PARP8: variants seen among roughly 807,000 people sequenced by gnomAD.
PARP8 encodes the protein protein mono-ADP-ribosyltransferase PARP8.
Under a neutral mutation model 124.1 loss-of-function variants are expected in PARP8, and 51 were observed. That is an observed-to-expected ratio of 0.41 (90% CI 0.33 to 0.52). PARP8 has a LOEUF of 0.52. PARP8 is among the 20% of genes least tolerant of loss of function. The pLI is 0.21. For missense variants in PARP8, 860 were observed against 1,018.9 expected, an observed-to-expected ratio of 0.84 and a Z score of 2.12; for synonymous variants, 391 against 361.5, an observed-to-expected ratio of 1.08 and a Z score of -0.93.
intron 23 of PARP8, 99 bp from the exon 24 acceptor site, chr5:50,833,878 ACC>A: frequency 1.3e-6 from 1 of 778,804 alleles, no homozygotes; most frequent in Non-Finnish European, 2.1e-6. Context: ...TTTTTTTTTG[ACC>A]TGGAGCCATC....
intron 10 of PARP8, among the ~76,000 whole-genome samples, chr5:50,791,186 ACAG>A (rs1444832868): frequency 6.6e-6 from 1 of 152,176 alleles, no homozygotes; most frequent in Non-Finnish European, 1.5e-5. Flanking sequence ...GTGATTTCAG[ACAG>A]CAGAATAATT....
At chr5:50,744,702 A>C (rs1758367491) in intron 2 of PARP8, 1 of 693,394 alleles carries the variant, frequency 1.4e-6, no homozygotes, top group Non-Finnish European at 2.6e-6. Flanking sequence ...AGCATATCCC[A>C]AAATTCTGAA....
intron 7 of PARP8, among the ~76,000 whole-genome samples, chr5:50,768,489 C>G (rs115499700): frequency 6.6e-6 from 1 of 152,132 alleles, no homozygotes; most frequent in Non-Finnish European, 1.5e-5. Flanking sequence ...GCATTCTTTT[C>G]AGACCAGAAT....
intron 2 of PARP8, among the ~76,000 whole-genome samples, chr5:50,679,430 T>G (rs1352403175): frequency 1.3e-5 from 2 of 152,218 alleles, no homozygotes; most frequent in East Asian, 3.8e-4. Flanking sequence ...TTGTTTAGCC[T>G]TGTATTTCCC....
chr5:50,827,950 A>C lies in PARP8; in HGVS notation c.1984A>C (p.Lys662Gln), dbSNP rs1312525330. 1 of 1,606,150 alleles carries C rather than the reference A, an allele frequency of 6.2e-7. No homozygotes were observed. The highest frequency in any genetic ancestry group is 1.7e-5 in the Admixed American group (1 of 59,874). ...IVKLPVNRQL[K>Q]FMHTPHQFLL... ...TCTTTATCTTAAATGGCAGCAATTG[A>C]AGTTTATGCATACTCCACATCAGTT... Residue 662 changes from lysine to glutamine, a missense_variant, in exon 20 of 26, where the codon AAG becomes CAG. Around this residue, in one of 2 missense-constraint regions of PARP8, gnomAD observed 343 missense variants for 474.7 expected, o/e 0.72. Transcript: ENST00000281631.
intron 3 of PARP8, among the ~76,000 whole-genome samples, chr5:50,755,461 T>A (rs1365399058): frequency 6.6e-6 from 1 of 152,202 alleles, no homozygotes; most frequent in East Asian, 1.9e-4. Flanking sequence ...TTCTCACTTT[T>A]GTCAGGTTTG....
In PARP8 at chr5:50,802,017, T is replaced by C. The variant is rs568471905; in HGVS notation, c.1575+4784T>C. On this transcript the variant is annotated intron_variant, in intron 14 of 25. Coordinates refer to ENST00000281631, the MANE Select transcript of PARP8 (RefSeq NM_024615.4). ...AATGTCTTTAAAACTAAAGTGAATC[T>C]CTTGTTGATAGCAAATTGTTGATCT... Among the ~76,000 whole-genome samples the C allele has an allele frequency of 2.0e-5, 3 of 152,346 alleles. No homozygotes were observed. The South Asian group carries it at 6.2e-4, about 32-fold the overall frequency.
At chr5:50,669,032 G>A (rs1749695033) in intron 2 of PARP8, 1 of 152,198 alleles carries the variant, frequency 6.6e-6, no homozygotes, top group Admixed American at 6.5e-5. Flanking sequence ...AAGCTTTCTT[G>A]TGTACATACA....
Position 50,788,206 on chromosome 5 carries a change from ATAT to A in PARP8, c.671-310_671-308del, listed in dbSNP as rs1420214502. Among the ~76,000 whole-genome samples, 16 of 145,544 alleles carry A rather than the reference ATAT, an allele frequency of 1.1e-4. No homozygotes were observed. In the South Asian group the frequency reaches 2.3e-3, roughly 21 times the overall value. On this transcript the variant is annotated intron_variant, in intron 9 of 25. Transcript: ENST00000281631. ...TATATAATATATTAATGTATAATAT[ATAT>A]TATTATACATTATACTGTATATTAT...
At chr5:50,810,357 T>A (rs1744300483) in intron 14 of PARP8, among the ~76,000 whole-genome samples, 1 of 152,038 alleles carries the variant, frequency 6.6e-6, no homozygotes, top group African/African-American at 2.4e-5. Context: ...TAGGCATACA[T>A]ACTTTGTATT....
chr5:50,814,542 C>A (rs1744868850), intron 14 of PARP8, among the ~76,000 whole-genome samples: 2 of 151,962 alleles, frequency 1.3e-5, no homozygotes, highest in Non-Finnish European at 2.9e-5. Context: ...GCAAAGTCAA[C>A]CAGAAAGCTT....
intron 2 of PARP8, among the ~76,000 whole-genome samples, chr5:50,706,809 T>C (rs1440125962): frequency 1.3e-5 from 2 of 152,050 alleles, no homozygotes; most frequent in Non-Finnish European, 2.9e-5. Flanking sequence ...AGTATGTTCA[T>C]TTTTTGAAAA....
At chr5:50,836,144 C>G (rs1747556370) in intron 25 of PARP8, among the ~76,000 whole-genome samples, 1 of 152,222 alleles carries the variant, frequency 6.6e-6, no homozygotes, top group South Asian at 2.1e-4. Flanking sequence ...GATTTGAAAA[C>G]TGTGATTGTT....
At chr5:50,839,355 G>A (rs1747920695) in intron 25 of PARP8, among the ~76,000 whole-genome samples, 1 of 151,654 alleles carries the variant, frequency 6.6e-6, no homozygotes, top group Admixed American at 6.6e-5. Context: ...CTTAAATTCT[G>A]TTGCTTTCCA....
intron 7 of PARP8, among the ~76,000 whole-genome samples, chr5:50,767,043 A>T (rs1761123819): frequency 6.6e-6 from 1 of 152,028 alleles, no homozygotes; most frequent in African/African-American, 2.4e-5. Context: ...TTAGGCATGG[A>T]TATATCACTA....
intron 2 of PARP8, among the ~76,000 whole-genome samples, chr5:50,678,432 C>G (rs1371029162): frequency 6.6e-6 from 1 of 152,072 alleles, no homozygotes; most frequent in African/African-American, 2.4e-5. Context: ...TTAAACATAC[C>G]AAGATAACAT....
intron 25 of PARP8, among the ~76,000 whole-genome samples, chr5:50,840,745 A>G (rs546878016): frequency 6.6e-6 from 1 of 152,004 alleles, no homozygotes; most frequent in African/African-American, 2.4e-5. Context: ...ATGCAATAAA[A>G]GTCATGGAGA....
chr5:50,735,034 C>T lies in PARP8; in HGVS notation c.147-15117C>T, dbSNP rs190120401. Reference sequence around the variant, plus strand: ...ATTACTATAATAGAAATTCATCATGCGCAATGTAGGGTATGTAGTGACTGG... The same window carrying T: ...ATTACTATAATAGAAATTCATCATGTGCAATGTAGGGTATGTAGTGACTGG... On this transcript the variant is annotated intron_variant, in intron 2 of 25. Coordinates refer to ENST00000281631, the MANE Select transcript of PARP8 (RefSeq NM_024615.4). 7.8e-4 allele frequency among the ~76,000 whole-genome samples: 118 copies of T among 151,956 alleles called. 1 individual carries two copies. The highest frequency in any genetic ancestry group is 3.4e-3 in the Middle Eastern group (1 of 294).
chr5:50,747,342 T>G (rs1161298401), intron 2 of PARP8, among the ~76,000 whole-genome samples: 1 of 152,028 alleles, frequency 6.6e-6, no homozygotes, highest in Admixed American at 6.6e-5. Context: ...ATCCATTCAT[T>G]CAAATTTATT....
Sources: gnomAD v4.1 joint callset for allele counts (sites outside exome capture counted in the v4.1 genomes callset) on GRCh38, gnomAD v4.1.1 for gene constraint, gnomAD v4.1.1 regional missense constraint, MANE v1.5 for transcripts, NCBI Gene and HGNC (gene_info 2026-07-23, HGNC 2026-07-21) for gene names.